USH2A: variants seen among roughly 807,000 people sequenced by gnomAD.
The protein encoded by USH2A is usherin.
In USH2A, 443 loss-of-function variants were observed where a neutral mutation model predicts 538.9. That is an observed-to-expected ratio of 0.82 (90% CI 0.76 to 0.89). The LOEUF is 0.89. Among genes scored for constraint, USH2A ranks in the 40% least tolerant of loss-of-function variants. The probability of loss-of-function intolerance (pLI) is 0.00; values close to 1 mark genes in which losing one functional copy is unlikely to be tolerated. For synonymous variants in USH2A, 2,413 were observed against 2,273.5 expected (o/e 1.06, Z -1.75); for missense variants, 6,633 against 6,324.8 (o/e 1.05, Z -1.65).
Position 216,321,054 on chromosome 1 carries a change from T to C in USH2A, c.1644+829A>G, listed in dbSNP as rs185534064. Reference sequence around the variant, plus strand: ...TCTAATCTTTATTTTAATATATTTATAGTTATTTTTCACTAAAAGTTTAAG... The same window carrying C: ...TCTAATCTTTATTTTAATATATTTACAGTTATTTTTCACTAAAAGTTTAAG... On this transcript the variant is annotated intron_variant, in intron 9 of 71. Coordinates refer to ENST00000307340, the MANE Select transcript of USH2A (RefSeq NM_206933.4). Among the ~76,000 whole-genome samples, 9 of 152,222 alleles carry C rather than the reference T, an allele frequency of 5.9e-5. No homozygotes were observed. In the East Asian group the frequency reaches 1.5e-3, roughly 26 times the overall value.
intron 32 of USH2A, among the ~76,000 whole-genome samples, chr1:216,022,137 A>G (rs556331329): frequency 6.6e-6 from 1 of 152,048 alleles, no homozygotes; most frequent in African/African-American, 2.4e-5. Context: ...AGATGCTGCC[A>G]TGCTTCCTGT....
At chr1:215,793,124 C>T (rs541663953) in intron 50 of USH2A, among the ~76,000 whole-genome samples, 73 of 152,224 alleles carry the variant, frequency 4.8e-4, no homozygotes, top group African/African-American at 1.7e-3. Flanking sequence ...GTTACCAATG[C>T]TTATTTCATA....
intron 61 of USH2A, among the ~76,000 whole-genome samples, chr1:215,725,357 T>C (rs1355151722): frequency 6.6e-6 from 1 of 152,200 alleles, no homozygotes; most frequent in East Asian, 1.9e-4. Flanking sequence ...ACACAGGGAC[T>C]GTGGGAATAA....
chr1:216,140,785 G>A (rs1212387811), intron 21 of USH2A, among the ~76,000 whole-genome samples: 1 of 152,184 alleles, frequency 6.6e-6, no homozygotes, highest in East Asian at 1.9e-4. Context: ...ATTGCCCTAA[G>A]GTAATCAGAG....
At chr1:215,860,195 A>G (rs1216231098) in intron 44 of USH2A, among the ~76,000 whole-genome samples, 1 of 152,218 alleles carries the variant, frequency 6.6e-6, no homozygotes, top group Admixed American at 6.5e-5. Flanking sequence ...TCATGAGCTA[A>G]GCAAAACTCT....
chr1:215,978,294 C>T (rs1009149776), intron 35 of USH2A, among the ~76,000 whole-genome samples: 8 of 152,132 alleles, frequency 5.3e-5, no homozygotes, highest in Admixed American at 1.3e-4. Flanking sequence ...ACCCATTTTA[C>T]AGGGCCATAC....
intron 22 of USH2A, among the ~76,000 whole-genome samples, chr1:216,091,498 A>G (rs950105742): frequency 6.6e-6 from 1 of 152,228 alleles, no homozygotes; most frequent in African/African-American, 2.4e-5. Flanking sequence ...TCTTTATTGT[A>G]TCTTTTAACA....
intron 16 of USH2A, among the ~76,000 whole-genome samples, chr1:216,204,530 C>G (rs2035070049): frequency 6.6e-6 from 1 of 152,076 alleles, no homozygotes; most frequent in Non-Finnish European, 1.5e-5. Flanking sequence ...ATTAGGCCAG[C>G]TAGAAAAAGT....
intron 21 of USH2A, among the ~76,000 whole-genome samples, chr1:216,157,413 T>C (rs1248686758): frequency 6.6e-6 from 1 of 152,228 alleles, no homozygotes; most frequent in East Asian, 1.9e-4. Flanking sequence ...GAAAGCAGTC[T>C]GGAGATTTCT....
At chr1:216,260,349 G>A (rs78096192) in intron 11 of USH2A, among the ~76,000 whole-genome samples, 4,283 of 152,200 alleles carry the variant, frequency 0.028, 207 homozygotes, top group African/African-American at 0.099. Context: ...GAATCTTTGA[G>A]AGCCTTAAGA....
At chr1:216,276,635 C>T (rs1305245152) in intron 11 of USH2A, among the ~76,000 whole-genome samples, 2 of 152,216 alleles carry the variant, frequency 1.3e-5, no homozygotes, top group African/African-American at 4.8e-5. Flanking sequence ...GGGCAATTTA[C>T]AAAAGAAGGG....
chr1:215,940,530 G>T (rs11120699), intron 37 of USH2A, among the ~76,000 whole-genome samples: 60,523 of 151,676 alleles, frequency 0.4, 12,393 homozygotes, highest in East Asian at 0.68. Context: ...TCTGAAAGGT[G>T]CTGAGTATTT....
At position 215,628,988 on chromosome 1, in the gene USH2A, G is replaced by A; in HGVS notation, c.15345C>T (p.Ile5115=). The change falls in exon 71 of 72, where the codon ATC becomes ATT. Residue 5115 remains isoleucine (I), a synonymous_variant. Transcript: ENST00000307340. ...KIPRSGTPVS[I]RSNRSACVLR... ...GGACACATGCACTCCGGTTGCTGCG[G>A]ATACTCACAGGTGTCCCAGACCGGG... 1 of 1,613,844 alleles carries A rather than the reference G, an allele frequency of 6.2e-7. No individual in the cohort carries two copies. Among genetic ancestry groups the A allele is most frequent in the Non-Finnish European group, 8.5e-7 (1 of 1,180,038 alleles).
intron 21 of USH2A, among the ~76,000 whole-genome samples, chr1:216,159,559 C>G (rs2034012806): frequency 6.6e-6 from 1 of 151,242 alleles, no homozygotes; most frequent in Admixed American, 6.6e-5. Context: ...CACACACACA[C>G]ACACACACAC....
chr1:215,873,568 G>T (rs1664676368), intron 43 of USH2A, among the ~76,000 whole-genome samples: 1 of 151,978 alleles, frequency 6.6e-6, no homozygotes. Context: ...CCTCTTTTAG[G>T]ACTTGAAACA....
intron 11 of USH2A, among the ~76,000 whole-genome samples, chr1:216,262,842 A>C (rs1420350545): frequency 1.3e-5 from 2 of 152,080 alleles, no homozygotes; most frequent in Non-Finnish European, 2.9e-5. Context: ...AAAGCTCAAC[A>C]AAACAAAAAG....
intron 55 of USH2A, among the ~76,000 whole-genome samples, chr1:215,767,735 C>T (rs1447260965): frequency 6.6e-6 from 1 of 152,116 alleles, no homozygotes; most frequent in Non-Finnish European, 1.5e-5. Flanking sequence ...AATGGGGAAT[C>T]ATTATAGCAT....
intron 3 of USH2A, among the ~76,000 whole-genome samples, chr1:216,407,284 A>T (rs1571789269): frequency 6.6e-6 from 1 of 152,302 alleles, no homozygotes; most frequent in East Asian, 1.9e-4. Flanking sequence ...TGTCTAACAT[A>T]AGACATTACA....
chr1:216,024,148 T>C (rs1668908940), intron 32 of USH2A, among the ~76,000 whole-genome samples: 1 of 152,070 alleles, frequency 6.6e-6, no homozygotes, highest in Non-Finnish European at 1.5e-5. Flanking sequence ...TAATATTGGA[T>C]GGCATTATGG....
Sources: allele counts gnomAD v4.1 joint callset (sites outside exome capture counted in the v4.1 genomes callset), GRCh38; gene constraint gnomAD v4.1.1; transcripts MANE v1.5; gene names NCBI Gene and HGNC (gene_info 2026-07-23, HGNC 2026-07-21).